ADGRL2: variants seen among roughly 807,000 people sequenced by gnomAD.
The protein encoded by ADGRL2 is calcium-independent alpha-latrotoxin receptor 2.
In ADGRL2, 44 loss-of-function variants were observed where a neutral mutation model predicts 157.4. The observed-to-expected ratio is 0.28, with a 90% confidence interval of 0.22 to 0.36. ADGRL2 has a LOEUF of 0.36. Ranked by LOEUF, ADGRL2 falls within the 10% of genes least tolerant of loss-of-function variation. The pLI, the probability that ADGRL2 is intolerant of heterozygous loss-of-function variation, is 1.00. For missense variants in ADGRL2, 1,510 were observed against 1,768.9 expected (o/e 0.85, Z 2.63); for synonymous variants, 585 against 624.7 (o/e 0.94, Z 0.95).
At chr1:81,444,626 G>T (rs1006001507) in intron 1 of ADGRL2, among the ~76,000 whole-genome samples, 1 of 152,102 alleles carries the variant, frequency 6.6e-6, no homozygotes, top group Admixed American at 6.5e-5. Context: ...CTTTCCAATG[G>T]TTGGCCTGCA....
chr1:81,474,488 C>G (rs965878914), intron 2 of ADGRL2, among the ~76,000 whole-genome samples: 4 of 152,152 alleles, frequency 2.6e-5, no homozygotes, highest in African/African-American at 9.7e-5. Context: ...GGTATGCCTA[C>G]AGAGTCTAGC....
intron 2 of ADGRL2, among the ~76,000 whole-genome samples, chr1:81,852,933 T>C (rs112658842): frequency 2.0e-5 from 3 of 152,140 alleles, no homozygotes; most frequent in African/African-American, 7.2e-5. Context: ...TCTGATACTT[T>C]AAATTTAACC....
At chr1:81,892,858 A>G (rs894503382) in intron 2 of ADGRL2, among the ~76,000 whole-genome samples, 1 of 152,206 alleles carries the variant, frequency 6.6e-6, no homozygotes, top group Non-Finnish European at 1.5e-5. Flanking sequence ...CTAGTAGTCC[A>G]ACCCTTATTT....
chr1:81,637,912 CT>C lies in ADGRL2; in HGVS notation c.-143+56944del, dbSNP rs5775626. ...AAGAAAGCATACTTTAAAAGGTATG[CT>C]TTTTTTTTTTTGTCTAACTAACAAG... On this transcript the variant is annotated intron_variant, in intron 3 of 24. Coordinates refer to the ADGRL2 transcript ENST00000370721. Among the ~76,000 whole-genome samples, 943 of 142,830 alleles carry C rather than the reference CT, an allele frequency of 6.6e-3. 8 individuals are homozygous for C. Among genetic ancestry groups the C allele is most frequent in the East Asian group, 0.026 (126 of 4,920 alleles). The allele number at this position is 142,830 out of a possible 152,430, so 93.7% of individuals were successfully genotyped here.
chr1:81,382,871 A>T lies in ADGRL2; in HGVS notation c.-301-62165A>T, dbSNP rs117394634. Among the ~76,000 whole-genome samples, 101 of 152,294 alleles carry T rather than the reference A, an allele frequency of 6.6e-4. 1 individual carries two copies. In the East Asian group the frequency reaches 0.019, roughly 29 times the overall value. ...AAAAAAGTTGAGTGTTTCCATGAGGATTTCAACTAACATTCGGGAATGTTT... is the reference window on the plus strand; with the variant it reads ...AAAAAAGTTGAGTGTTTCCATGAGGTTTTCAACTAACATTCGGGAATGTTT... On this transcript the variant is annotated intron_variant, in intron 1 of 24. Transcript: ENST00000370721.
chr1:81,497,750 C>T (rs370614552), intron 2 of ADGRL2, among the ~76,000 whole-genome samples: 1 of 152,226 alleles, frequency 6.6e-6, no homozygotes, highest in Non-Finnish European at 1.5e-5. Context: ...TGTGAAGTAC[C>T]TAGAACACTA....
intron 1 of ADGRL2, among the ~76,000 whole-genome samples, chr1:81,749,613 A>G (rs2085423114): frequency 6.6e-6 from 1 of 152,216 alleles, no homozygotes; most frequent in Admixed American, 6.5e-5. Flanking sequence ...TTGTTAAATG[A>G]ATACATAAAC....
At chr1:81,357,430 A>G (rs1049879623) in intron 1 of ADGRL2, among the ~76,000 whole-genome samples, 10 of 152,146 alleles carry the variant, frequency 6.6e-5, no homozygotes, top group African/African-American at 1.7e-4. Context: ...TATATCCACT[A>G]AAGTCATTCA....
At chr1:81,673,717 C>A (rs139561118) in intron 3 of ADGRL2, among the ~76,000 whole-genome samples, 2,707 of 152,090 alleles carry the variant, frequency 0.018, 32 homozygotes, top group South Asian at 0.053. Context: ...CAGGGTTTCA[C>A]CGTGTTAGCC....
chr1:81,589,104 C>T (rs904220764), intron 3 of ADGRL2, among the ~76,000 whole-genome samples: 1 of 152,148 alleles, frequency 6.6e-6, no homozygotes, highest in Non-Finnish European at 1.5e-5. Flanking sequence ...TTAAAGTGCA[C>T]ACTATACTCC....
chr1:81,872,311 C>T (rs1308009091), intron 2 of ADGRL2, among the ~76,000 whole-genome samples: 1 of 152,082 alleles, frequency 6.6e-6, no homozygotes, highest in Admixed American at 6.6e-5. Context: ...GGTACCAGTA[C>T]CATGCTGTTT....
chr1:81,588,507 C>T (rs2081070363), intron 3 of ADGRL2: 1 of 152,176 alleles, frequency 6.6e-6, no homozygotes, highest in African/African-American at 2.4e-5. Context: ...TGTCCCAAGC[C>T]CGTAACATAA....
chr1:81,870,902 T>C (rs1412352019), intron 2 of ADGRL2, among the ~76,000 whole-genome samples: 1 of 151,718 alleles, frequency 6.6e-6, no homozygotes, highest in Non-Finnish European at 1.5e-5. Flanking sequence ...TTGTAGATGT[T>C]AATCTTTCCT....
At chr1:81,458,093 G>A (rs1185936253) in intron 2 of ADGRL2, among the ~76,000 whole-genome samples, 1 of 152,128 alleles carries the variant, frequency 6.6e-6, no homozygotes, top group Non-Finnish European at 1.5e-5. Flanking sequence ...TTGAGAATCA[G>A]GGAAATTAAG....
chr1:81,952,903 G>A lies in ADGRL2; in HGVS notation c.1795-84G>A. 3.6e-6 allele frequency: 4 copies of A among 1,116,318 alleles called. No individual in the cohort carries two copies. The South Asian group carries it at 5.0e-5, about 14-fold the overall frequency. The allele number at this position is 1,116,318 out of a possible 1,614,324, so 69.2% of individuals were successfully genotyped here. On this transcript the variant is annotated intron_variant, in intron 9 of 23. Coordinates refer to ENST00000686636, the MANE Select transcript of ADGRL2 (RefSeq NM_001366006.2). ...ATAAACTTCGAGCTCTGGAACACCAGCTTAATTTTTGAGGATTTCTTCTTT... is the reference window on the plus strand; with the variant it reads ...ATAAACTTCGAGCTCTGGAACACCAACTTAATTTTTGAGGATTTCTTCTTT...
chr1:81,325,621 G>A (rs1234918892), intron 1 of ADGRL2, among the ~76,000 whole-genome samples: 1 of 152,176 alleles, frequency 6.6e-6, no homozygotes, highest in Non-Finnish European at 1.5e-5. Context: ...ACACCCAAAT[G>A]AGTCACAGAG....
rs187312420 is a variant in ADGRL2 at position 81,550,669 on chromosome 1, A to G, written c.-247-30207A>G. On this transcript the variant is annotated intron_variant, in intron 2 of 24. Coordinates refer to the ADGRL2 transcript ENST00000370721. ...TGGCAGTCCTGTCGTCTGCCTGATC[A>G]ACAATATGCCATGCTGTTCGAGATT... Among the ~76,000 whole-genome samples, 339 of 152,256 alleles carry G rather than the reference A, an allele frequency of 2.2e-3. 2 individuals carry two copies. The highest frequency in any genetic ancestry group is 7.6e-3 in the African/African-American group (317 of 41,552).
intron 2 of ADGRL2, among the ~76,000 whole-genome samples, chr1:81,853,033 A>G (rs1352613661): frequency 6.6e-6 from 1 of 152,180 alleles, no homozygotes; most frequent in Non-Finnish European, 1.5e-5. Flanking sequence ...CAGCTGGTCC[A>G]GAGGAGAGGC....
chr1:81,600,256 C>G (rs532458675), intron 3 of ADGRL2, among the ~76,000 whole-genome samples: 8 of 152,310 alleles, frequency 5.3e-5, no homozygotes, highest in African/African-American at 1.4e-4. Context: ...GATGGCAAAG[C>G]CTTGAATTGT....
Sources: gnomAD v4.1 joint callset for allele counts (sites outside exome capture counted in the v4.1 genomes callset) on GRCh38, gnomAD v4.1.1 for gene constraint, MANE v1.5 for transcripts, NCBI Gene and HGNC (gene_info 2026-07-23, HGNC 2026-07-21) for gene names.